Variants in KANK1 observed in about 807,000 individuals in gnomAD.
KANK1 encodes KN motif and ankyrin repeat domains 1.
Under a neutral mutation model 106.2 loss-of-function variants are expected in KANK1, and 109 were observed. The observed-to-expected ratio is 1.03, with a 90% CI of 0.88 to 1.20. KANK1 has a LOEUF of 1.20. Ranked by LOEUF, KANK1 falls within the 50% of genes most tolerant of loss-of-function variation. The probability of loss-of-function intolerance (pLI) is 0.00; values close to 1 mark genes in which losing one functional copy is unlikely to be tolerated. For missense variants in KANK1, 2,399 were observed against 1,710.7 expected, an observed-to-expected ratio of 1.40 and a Z score of -7.10; for synonymous variants, 873 against 652.2, an observed-to-expected ratio of 1.34 and a Z score of -5.16.
intron 1 of KANK1, among the ~76,000 whole-genome samples, chr9:555,188 G>C (rs754478332): frequency 6.6e-6 from 1 of 152,182 alleles, no homozygotes; most frequent in Non-Finnish European, 1.5e-5. Flanking sequence ...GCTAATCCCT[G>C]AGAAAGCCAT....
chr9:658,862 C>G (rs756992753), intron 1 of KANK1, among the ~76,000 whole-genome samples: 1 of 152,082 alleles, frequency 6.6e-6, no homozygotes, highest in Admixed American at 6.5e-5. Context: ...CCACCTTTCC[C>G]CTAGTTAACT....
intron 2 of KANK1, among the ~76,000 whole-genome samples, chr9:706,040 A>G (rs1824064245): frequency 6.6e-6 from 1 of 152,194 alleles, no homozygotes. Flanking sequence ...TGATGTATGT[A>G]AACATACACT....
chr9:612,007 C>T (rs781058534), intron 1 of KANK1, among the ~76,000 whole-genome samples: 15 of 152,168 alleles, frequency 9.9e-5, no homozygotes, highest in South Asian at 2.1e-4. Flanking sequence ...CGTGAGCCAC[C>T]GCGCCCGGCC....
chr9:727,529 T>A (rs1443626865), intron 3 of KANK1, among the ~76,000 whole-genome samples: 1 of 152,108 alleles, frequency 6.6e-6, no homozygotes, highest in Non-Finnish European at 1.5e-5. Flanking sequence ...TTGGCCAGGC[T>A]GGTCTCAAAC....
chr9:698,782 T>C (rs1158368842), intron 2 of KANK1, among the ~76,000 whole-genome samples: 1 of 152,184 alleles, frequency 6.6e-6, no homozygotes, highest in African/African-American at 2.4e-5. Context: ...CAAAAATTCA[T>C]GGGGACTTGA....
chr9:517,195 G>A (rs949591888), intron 1 of KANK1, among the ~76,000 whole-genome samples: 7 of 151,728 alleles, frequency 4.6e-5, no homozygotes, highest in East Asian at 1.9e-4. Flanking sequence ...TGCAACTTCC[G>A]ACGGTTCAAG....
intron 3 of KANK1, among the ~76,000 whole-genome samples, chr9:714,262 T>C (rs1827058653): frequency 6.6e-6 from 1 of 151,924 alleles, no homozygotes; most frequent in Non-Finnish European, 1.5e-5. Flanking sequence ...TGTGAAGAAA[T>C]TAACTCCGGT....
intron 1 of KANK1, among the ~76,000 whole-genome samples, chr9:626,173 G>A (rs1834297416): frequency 6.6e-6 from 1 of 152,148 alleles, no homozygotes; most frequent in Non-Finnish European, 1.5e-5. Flanking sequence ...TACTGTAAAA[G>A]CATTGTGCGT....
chr9:693,914 T>A, intron 2 of KANK1: 1 of 725,782 alleles, frequency 1.4e-6, no homozygotes, highest in Non-Finnish European at 1.7e-6. Flanking sequence ...CTAGAAAGAA[T>A]AACCCAGTAC....
intron 2 of KANK1, among the ~76,000 whole-genome samples, chr9:700,427 GTCT>G (rs1467541099): frequency 1.3e-5 from 2 of 152,192 alleles, no homozygotes; most frequent in Non-Finnish European, 2.9e-5. Context: ...GTACTTCGCT[GTCT>G]TCTTAGAACA....
chr9:740,601 T>C (rs1418237670), intron 8 of KANK1, among the ~76,000 whole-genome samples, 191 bp from the exon 9 acceptor site: 1 of 151,908 alleles, frequency 6.6e-6, no homozygotes, highest in African/African-American at 2.4e-5. Context: ...TGTCGTGAAA[T>C]AGGGGGAAAA....
At chr9:492,012 C>G (rs888107480) in intron 3 of KANK1, 1 of 152,194 alleles carries the variant, frequency 6.6e-6, no homozygotes, top group Non-Finnish European at 1.5e-5. Flanking sequence ...GAACTTCTTT[C>G]TTTTGTAAAT....
chr9:486,518 T>C (rs2058295731), intron 3 of KANK1, among the ~76,000 whole-genome samples: 1 of 152,198 alleles, frequency 6.6e-6, no homozygotes, highest in African/African-American at 2.4e-5. Flanking sequence ...CTGAAGTCTG[T>C]AGAGGTCACA....
At chr9:517,807 C>T (rs573360405) in intron 1 of KANK1, among the ~76,000 whole-genome samples, 165 of 148,364 alleles carry the variant, frequency 1.1e-3, no homozygotes, top group East Asian at 4.7e-3. Flanking sequence ...GGCGTGATCT[C>T]GGCTCACTGG....
At chr9:606,499 TG>T (rs1829207583) in intron 1 of KANK1, among the ~76,000 whole-genome samples, 1 of 147,790 alleles carries the variant, frequency 6.8e-6, no homozygotes, top group Non-Finnish European at 1.5e-5. Context: ...GAGGTTGCAG[TG>T]AGCTGAGATC....
chr9:699,872 C>T (rs1226739896), intron 2 of KANK1, among the ~76,000 whole-genome samples: 3 of 152,162 alleles, frequency 2.0e-5, no homozygotes, highest in Non-Finnish European at 4.4e-5. Flanking sequence ...GTCCTAGCTA[C>T]TAGAGAGGCT....
intron 1 of KANK1, among the ~76,000 whole-genome samples, chr9:666,192 C>A (rs1436915955): frequency 2.0e-5 from 3 of 150,608 alleles, no homozygotes; most frequent in East Asian, 1.9e-4. Context: ...AAAAAAAAAA[C>A]AAAATATTCC....
At chr9:672,986 A>G (rs1399421106) in intron 1 of KANK1, among the ~76,000 whole-genome samples, 1 of 152,150 alleles carries the variant, frequency 6.6e-6, no homozygotes, top group Admixed American at 6.5e-5. Context: ...GAAGCAATTT[A>G]TTGATCTGTA....
intron 1 of KANK1, among the ~76,000 whole-genome samples, chr9:658,347 A>T (rs932771840): frequency 3.3e-5 from 5 of 152,146 alleles, no homozygotes; most frequent in Non-Finnish European, 7.4e-5. Context: ...GGACTAAGCA[A>T]ATCTCATAAC....
Sources: gnomAD v4.1 joint callset for allele counts (sites outside exome capture counted in the v4.1 genomes callset) on GRCh38, gnomAD v4.1.1 for gene constraint, MANE v1.5 for transcripts, NCBI Gene and HGNC (gene_info 2026-07-23, HGNC 2026-07-21) for gene names.